Variants in MTARC1 observed in about 807,000 individuals in gnomAD.
MTARC1 encodes mitochondrial amidoxime-reducing component 1.
MTARC1 carries 24 observed loss-of-function variants against 33.6 expected under a neutral mutation model. That is an observed-to-expected ratio of 0.72 (90% confidence interval 0.52 to 1.01). The LOEUF (loss-of-function observed/expected upper bound fraction) is 1.01, where lower values mean the gene tolerates loss of function less well. Ranked by LOEUF, MTARC1 falls within the 50% of genes least tolerant of loss-of-function variation. The probability of loss-of-function intolerance (pLI) is 0.00; values close to 1 mark genes in which losing one functional copy is unlikely to be tolerated. For missense variants in MTARC1, 417 were observed against 445.7 expected (o/e 0.94, Z 0.58); for synonymous variants, 187 against 189.5 (o/e 0.99, Z 0.11).
chr1:220,788,921 A>G (rs530518171), intron 1 of MTARC1, among the ~76,000 whole-genome samples: 1 of 152,212 alleles, frequency 6.6e-6, no homozygotes, highest in Non-Finnish European at 1.5e-5. Context: ...TTTTGAGCTC[A>G]TATTACAATA....
intron 4 of MTARC1, chr1:220,798,319 G>A (rs1672686611): frequency 1.6e-6 from 2 of 1,256,478 alleles, no homozygotes; most frequent in Non-Finnish European, 1.0e-6. Flanking sequence ...TACATGATCT[G>A]TGTGGGCCAT....
At chr1:220,799,873 T>C (rs1672733127) in intron 4 of MTARC1, among the ~76,000 whole-genome samples, 1 of 152,204 alleles carries the variant, frequency 6.6e-6, no homozygotes, top group African/African-American at 2.4e-5. Flanking sequence ...GCAGTTTCAA[T>C]GACTCCCTCG....
chr1:220,802,697 G>A (rs1250371100), intron 4 of MTARC1, among the ~76,000 whole-genome samples: 2 of 152,060 alleles, frequency 1.3e-5, no homozygotes, highest in East Asian at 3.9e-4. Flanking sequence ...TTTCACCCAG[G>A]CTCAGAGCGT....
intron 6 of MTARC1, chr1:220,808,970 T>C (rs1446018031): frequency 1.6e-5 from 7 of 450,118 alleles, no homozygotes; most frequent in Non-Finnish European, 2.7e-5. Context: ...AGTTACTGCA[T>C]GGGTACTCAA....
chr1:220,799,526 A>G (rs1304901565), intron 4 of MTARC1, among the ~76,000 whole-genome samples: 1 of 152,140 alleles, frequency 6.6e-6, no homozygotes, highest in African/African-American at 2.4e-5. Flanking sequence ...ATGAGTGGGG[A>G]GGGTTTTGAA....
chr1:220,791,153 C>A (rs972971351), intron 1 of MTARC1: 5 of 182,560 alleles, frequency 2.7e-5, no homozygotes, highest in African/African-American at 4.7e-5. Context: ...AGATTCTTGT[C>A]ATCTGCTTGG....
intron 2 of MTARC1, among the ~76,000 whole-genome samples, chr1:220,795,963 G>T (rs1672600598): frequency 6.6e-6 from 1 of 152,112 alleles, no homozygotes; most frequent in Non-Finnish European, 1.5e-5. Context: ...TGAAACACTG[G>T]CCTACACCAT....
intron 4 of MTARC1, chr1:220,798,552 C>A (rs1441289763): frequency 1.0e-6 from 1 of 985,320 alleles, no homozygotes; most frequent in Non-Finnish European, 1.2e-6. Context: ...AGCCCTGAGG[C>A]TTGGTTTCTG....
At chr1:220,802,714 C>T (rs989707169) in intron 4 of MTARC1, among the ~76,000 whole-genome samples, 2 of 152,174 alleles carry the variant, frequency 1.3e-5, no homozygotes, top group African/African-American at 2.4e-5. Context: ...GCGTGACAGT[C>T]GGCCCTGGCT....
Position 220,798,021 on chromosome 1 carries a change from C to G in MTARC1, c.753+7C>G. The G allele has an allele frequency of 6.2e-7, 1 of 1,614,220 alleles. No individual in the cohort carries two copies. The highest frequency in any genetic ancestry group is 8.5e-7 in the Non-Finnish European group (1 of 1,180,032). On this transcript the variant is annotated splice_region_variant and intron_variant, in intron 4 of 6. Transcript: ENST00000366910. ...ATGCGATGTCTATGCAGAGGTAACACTATGCCCCTTTGGATCTTTCCTTGG... is the reference window on the plus strand; with the variant it reads ...ATGCGATGTCTATGCAGAGGTAACAGTATGCCCCTTTGGATCTTTCCTTGG...
intron 3 of MTARC1, among the ~76,000 whole-genome samples, chr1:220,797,414 T>A (rs1445340613): frequency 3.3e-5 from 5 of 151,990 alleles, no homozygotes. Flanking sequence ...TGACAAGGAG[T>A]CTCTGTCTCA....
chr1:220,805,412 G>C (rs904347739), intron 6 of MTARC1, 138 bp downstream of exon 6: 2 of 881,306 alleles, frequency 2.3e-6, no homozygotes, highest in Non-Finnish European at 3.6e-6. Flanking sequence ...TCCCATTAAC[G>C]AGATAATTTG....
chr1:220,805,423 G>A, intron 6 of MTARC1, 149 bp downstream of exon 6: 1 of 800,882 alleles, frequency 1.2e-6, no homozygotes, highest in South Asian at 1.6e-5. Context: ...AGATAATTTG[G>A]GAAACATTCC....
intron 1 of MTARC1, 78 bp from the exon 2 acceptor site, chr1:220,791,413 G>C: frequency 6.8e-7 from 1 of 1,479,588 alleles, no homozygotes; most frequent in South Asian, 1.3e-5. Flanking sequence ...GATGACAACA[G>C]TGTCTAATTG....
intron 1 of MTARC1, chr1:220,791,235 GT>G (rs749742071): frequency 1.2e-5 from 4 of 324,660 alleles, no homozygotes; most frequent in Non-Finnish European, 2.3e-5. Flanking sequence ...TTTGATTTCT[GT>G]GCCATCAAAG....
In MTARC1 at chr1:220,813,464, C is replaced by T. The variant is rs1673202599; in HGVS notation, c.*46C>T. The T allele has an allele frequency of 3.1e-6, 5 of 1,604,392 alleles. No individual in the cohort carries two copies. The Admixed American group carries it at 8.5e-5, about 27-fold the overall frequency. ...ATATTAGATGCCTTTTAAAAATGTT[C>T]TCAAAAATGACAACACTTGAAGCAT... is the stretch of plus-strand genomic sequence containing the variant. On this transcript the variant is annotated 3_prime_UTR_variant, in exon 7 of 7. Transcript: ENST00000366910.
intron 4 of MTARC1, chr1:220,799,064 A>G: frequency 2.0e-6 from 2 of 985,352 alleles, no homozygotes; most frequent in Non-Finnish European, 2.4e-6. Context: ...GAACAATGAG[A>G]TGATCATATT....
At chr1:220,795,781 G>C (rs1052768300) in intron 2 of MTARC1, among the ~76,000 whole-genome samples, 4 of 152,190 alleles carry the variant, frequency 2.6e-5, no homozygotes, top group Admixed American at 1.3e-4. Context: ...TGGACCTAAG[G>C]TGTGTTCTTT....
intron 4 of MTARC1, chr1:220,799,142 A>G: frequency 1.0e-6 from 1 of 985,424 alleles, no homozygotes; most frequent in Non-Finnish European, 1.2e-6. Context: ...TGAGATGTAT[A>G]AAAGCAATAT....
Sources: allele counts gnomAD v4.1 joint callset (sites outside exome capture counted in the v4.1 genomes callset), GRCh38; gene constraint gnomAD v4.1.1; transcripts MANE v1.5; gene names NCBI Gene and HGNC (gene_info 2026-07-23, HGNC 2026-07-21).